HCN1: variants seen among roughly 807,000 people sequenced by gnomAD.
The protein encoded by HCN1 is hyperpolarization activated cyclic nucleotide gated potassium channel 1.
In HCN1, 13 loss-of-function variants were observed where a neutral mutation model predicts 78.9. The observed-to-expected ratio is 0.16, with a 90% CI of 0.11 to 0.26. The LOEUF is 0.26. Ranked by LOEUF, HCN1 falls within the 10% of genes least tolerant of loss-of-function variation. The pLI, the probability that HCN1 is intolerant of heterozygous loss-of-function variation, is 1.00. For synonymous variants in HCN1, 552 were observed against 455.5 expected, an observed-to-expected ratio of 1.21 and a Z score of -2.70; for missense variants, 810 against 1,154.3, an observed-to-expected ratio of 0.70 and a Z score of 4.32.
At chr5:45,410,022 T>C (rs542698310) in intron 3 of HCN1, among the ~76,000 whole-genome samples, 1 of 152,040 alleles carries the variant, frequency 6.6e-6, no homozygotes, top group South Asian at 2.1e-4. Flanking sequence ...CAAACTCATG[T>C]CTGATGTGCT....
At chr5:45,660,579 C>G (rs553126078) in intron 1 of HCN1, among the ~76,000 whole-genome samples, 1 of 152,160 alleles carries the variant, frequency 6.6e-6, no homozygotes, top group African/African-American at 2.4e-5. Context: ...CAGAGACACA[C>G]ATAGGCTCAA....
At chr5:45,494,045 A>G (rs1213480732) in intron 2 of HCN1, among the ~76,000 whole-genome samples, 1 of 152,024 alleles carries the variant, frequency 6.6e-6, no homozygotes, top group African/African-American at 2.4e-5. Flanking sequence ...ATTGTGAATA[A>G]TGCCGCAATA....
At chr5:45,388,568 G>A (rs1393327299) in intron 4 of HCN1, among the ~76,000 whole-genome samples, 1 of 152,006 alleles carries the variant, frequency 6.6e-6, no homozygotes, top group Non-Finnish European at 1.5e-5. Flanking sequence ...ATTTAATGAA[G>A]CAGAAACTCA....
intron 3 of HCN1, among the ~76,000 whole-genome samples, chr5:45,423,104 C>T (rs979210580): frequency 2.8e-4 from 42 of 152,152 alleles, no homozygotes; most frequent in Non-Finnish European, 5.3e-4. Flanking sequence ...TCCAATTACC[C>T]TGATATGATT....
chr5:45,582,981 C>CTTTTTTTTTT (rs58015637), intron 2 of HCN1, among the ~76,000 whole-genome samples: 1 of 148,798 alleles, frequency 6.7e-6, no homozygotes. Context: ...CTAAAATTCT[C>CTTTTTTTTTT]TTTTTTTTTT....
intron 5 of HCN1, among the ~76,000 whole-genome samples, chr5:45,352,559 A>C (rs1746930901): frequency 6.6e-6 from 1 of 151,964 alleles, no homozygotes; most frequent in Non-Finnish European, 1.5e-5. Flanking sequence ...ATGAATAACC[A>C]AGAGCAAGTT....
chr5:45,332,624 C>T (rs1746368219), intron 5 of HCN1, among the ~76,000 whole-genome samples: 1 of 151,364 alleles, frequency 6.6e-6, no homozygotes, highest in African/African-American at 2.4e-5. Flanking sequence ...TCCCCACCTC[C>T]CCATTACCCT....
intron 6 of HCN1, among the ~76,000 whole-genome samples, chr5:45,274,004 A>AT (rs1745007128): frequency 6.6e-6 from 1 of 152,076 alleles, no homozygotes; most frequent in Non-Finnish European, 1.5e-5. Flanking sequence ...ATAGGTGCAA[A>AT]TTTTTTAGTA....
intron 6 of HCN1, among the ~76,000 whole-genome samples, chr5:45,271,359 T>TACACACACACACAC (rs34016747): frequency 3.6e-5 from 5 of 137,416 alleles, no homozygotes; most frequent in South Asian, 5.0e-4. Context: ...CTGATTCAGG[T>TACACACACACACAC]ACACACACAC....
chr5:45,527,952 C>CA (rs1742772734), intron 2 of HCN1, among the ~76,000 whole-genome samples: 2 of 147,910 alleles, frequency 1.4e-5, no homozygotes, highest in Non-Finnish European at 3.0e-5. Flanking sequence ...TTTTTAAACC[C>CA]AAAAATACTC....
At chr5:45,316,583 G>T (rs900989493) in intron 5 of HCN1, among the ~76,000 whole-genome samples, 3 of 152,094 alleles carry the variant, frequency 2.0e-5, no homozygotes, top group African/African-American at 7.2e-5. Context: ...GCAGGAGAAA[G>T]AAATAAAGGG....
At chr5:45,479,529 T>C (rs1299230252) in intron 2 of HCN1, among the ~76,000 whole-genome samples, 1 of 152,202 alleles carries the variant, frequency 6.6e-6, no homozygotes, top group South Asian at 2.1e-4. Flanking sequence ...GCTGATGCTG[T>C]GGCAGAAGAA....
chr5:45,559,340 T>G (rs575384420), intron 2 of HCN1: 1 of 152,298 alleles, frequency 6.6e-6, no homozygotes, highest in African/African-American at 2.4e-5. Flanking sequence ...CTGCCATAGA[T>G]AGTGATTCCT....
At chr5:45,690,389 G>C (rs963498079) in intron 1 of HCN1, among the ~76,000 whole-genome samples, 1 of 151,990 alleles carries the variant, frequency 6.6e-6, no homozygotes, top group African/African-American at 2.4e-5. Context: ...AAAGTTGGGT[G>C]AAATGTGTCA....
intron 3 of HCN1, among the ~76,000 whole-genome samples, chr5:45,460,242 AAAG>A (rs1392233455): frequency 6.6e-6 from 1 of 152,088 alleles, no homozygotes; most frequent in Non-Finnish European, 1.5e-5. Context: ...TAAATAGATT[AAAG>A]AAGGCTTTCA....
At chr5:45,347,181 C>A (rs559073329) in intron 5 of HCN1, among the ~76,000 whole-genome samples, 2 of 152,170 alleles carry the variant, frequency 1.3e-5, no homozygotes, top group African/African-American at 4.8e-5. Flanking sequence ...TCCAGAGGAA[C>A]GATCAGACAG....
intron 3 of HCN1, among the ~76,000 whole-genome samples, chr5:45,449,978 G>A (rs1201387703): frequency 6.6e-6 from 1 of 152,098 alleles, no homozygotes; most frequent in African/African-American, 2.4e-5. Context: ...GACTGCAGGT[G>A]CCTGCCACCA....
At chr5:45,554,825 G>A (rs2037150823) in intron 2 of HCN1, among the ~76,000 whole-genome samples, 1 of 151,816 alleles carries the variant, frequency 6.6e-6, no homozygotes, top group South Asian at 2.1e-4. Flanking sequence ...CTGTATTAAA[G>A]AAGAAGGGGT....
chr5:45,291,348 G>A (rs569914751), intron 6 of HCN1, among the ~76,000 whole-genome samples: 17 of 151,868 alleles, frequency 1.1e-4, no homozygotes, highest in African/African-American at 2.9e-4. Context: ...ATGCCCACTC[G>A]TTCTGTTTTC....
Sources: gnomAD v4.1 joint callset for allele counts (sites outside exome capture counted in the v4.1 genomes callset) on GRCh38, gnomAD v4.1.1 for gene constraint, MANE v1.5 for transcripts, NCBI Gene and HGNC (gene_info 2026-07-23, HGNC 2026-07-21) for gene names.